Variants in MSI2 observed in about 807,000 individuals in gnomAD.
MSI2 encodes musashi RNA binding protein 2, also known as RNA-binding protein Musashi homolog 2.
In MSI2, 17 loss-of-function variants were observed where a neutral mutation model predicts 45.6. The observed-to-expected ratio is 0.37, with a 90% confidence interval of 0.26 to 0.56. The LOEUF (loss-of-function observed/expected upper bound fraction) is 0.56. Among genes scored for constraint, MSI2 ranks in the 20% least tolerant of loss-of-function variants. The pLI, the probability that MSI2 is intolerant of heterozygous loss-of-function variation, is 0.77. For missense variants in MSI2, 293 were observed against 444.2 expected, an observed-to-expected ratio of 0.66 and a Z score of 3.06; for synonymous variants, 156 against 158.2, an observed-to-expected ratio of 0.99 and a Z score of 0.11.
chr17:57,386,910 A>G (rs2083697117), intron 5 of MSI2, among the ~76,000 whole-genome samples: 1 of 152,244 alleles, frequency 6.6e-6, no homozygotes, highest in African/African-American at 2.4e-5. Context: ...AGGGAACCAG[A>G]TTTTGTTAAG....
intron 5 of MSI2, among the ~76,000 whole-genome samples, chr17:57,356,337 G>T (rs1032767517): frequency 1.3e-5 from 2 of 152,128 alleles, no homozygotes; most frequent in Non-Finnish European, 2.9e-5. Context: ...TGATGCCCTG[G>T]TTGGACTCTT....
chr17:57,451,806 T>C (rs1424845984), intron 6 of MSI2, among the ~76,000 whole-genome samples: 1 of 152,218 alleles, frequency 6.6e-6, no homozygotes, highest in African/African-American at 2.4e-5. Flanking sequence ...CTTGTGAAGC[T>C]GTAGTCTTTA....
chr17:57,436,192 G>A (rs902314336), intron 6 of MSI2, among the ~76,000 whole-genome samples: 2 of 152,190 alleles, frequency 1.3e-5, no homozygotes, highest in Admixed American at 6.5e-5. Flanking sequence ...AGGCGTGGCC[G>A]TGGGCAAGCG....
intron 6 of MSI2, among the ~76,000 whole-genome samples, chr17:57,523,775 C>T (rs537908116): frequency 2.0e-5 from 3 of 152,238 alleles, no homozygotes; most frequent in Non-Finnish European, 4.4e-5. Flanking sequence ...TTCTCTGCCA[C>T]ATTTAGCACT....
intron 10 of MSI2, among the ~76,000 whole-genome samples, chr17:57,639,511 C>T (rs1910089842): frequency 6.6e-6 from 1 of 152,252 alleles, no homozygotes; most frequent in Non-Finnish European, 1.5e-5. Flanking sequence ...CCACCTGTGC[C>T]ATAGGAGGCT....
At chr17:57,385,389 CATG>C (rs1291636574) in intron 5 of MSI2, among the ~76,000 whole-genome samples, 1 of 152,204 alleles carries the variant, frequency 6.6e-6, no homozygotes, top group African/African-American at 2.4e-5. Context: ...AATGATATTC[CATG>C]CTGCTGTGAC....
intron 11 of MSI2, among the ~76,000 whole-genome samples, chr17:57,668,809 C>T (rs1912564014): frequency 1.3e-5 from 2 of 152,236 alleles, no homozygotes; most frequent in African/African-American, 4.8e-5. Context: ...AAGTATTTTC[C>T]CCCTTCCCTT....
intron 5 of MSI2, among the ~76,000 whole-genome samples, chr17:57,353,903 A>G (rs1236414746): frequency 6.6e-6 from 1 of 152,108 alleles, no homozygotes; most frequent in African/African-American, 2.4e-5. Context: ...CCAGATAGTA[A>G]ATATTTTAGG....
At position 57,506,311 on chromosome 17, in the gene MSI2, C is replaced by T. The variant is rs145465473; in HGVS notation, c.406-23365C>T. ...CTCCCTCGTGATAAACAGTGTAAGG[C>T]GGAGTGTCTAAAGGACTCGGGGAAA... is the stretch of plus-strand genomic sequence containing the variant. On this transcript the variant is annotated intron_variant, in intron 6 of 13. Transcript: ENST00000284073. 2.6e-3 allele frequency among the ~76,000 whole-genome samples: 389 copies of T among 152,222 alleles called. 1 individual carries two copies. The highest frequency in any genetic ancestry group is 5.6e-3 in the South Asian group (27 of 4,812).
intron 6 of MSI2, among the ~76,000 whole-genome samples, chr17:57,437,965 G>A (rs546427129): frequency 9.2e-5 from 14 of 152,344 alleles, no homozygotes; most frequent in Admixed American, 2.6e-4. Flanking sequence ...ACATGCACCC[G>A]TGTAATTACA....
chr17:57,548,898 T>TCCCCCCCTC (rs2087234484), intron 7 of MSI2, among the ~76,000 whole-genome samples: 1 of 121,300 alleles, frequency 8.2e-6, no homozygotes, highest in Non-Finnish European at 1.7e-5. Flanking sequence ...TGTTTACCCT[T>TCCCCCCCTC]CCCCCCCCCA....
chr17:57,576,928 C>G (rs9899228), intron 7 of MSI2, among the ~76,000 whole-genome samples: 1 of 151,746 alleles, frequency 6.6e-6, no homozygotes, highest in Non-Finnish European at 1.5e-5. Flanking sequence ...GACGCCACCA[C>G]AAAGGGAAGT....
chr17:57,492,978 T>C (rs2085905548), intron 6 of MSI2, among the ~76,000 whole-genome samples: 1 of 152,178 alleles, frequency 6.6e-6, no homozygotes, highest in Non-Finnish European at 1.5e-5. Context: ...TGAGAATTCG[T>C]TAAAACAGAG....
chr17:57,333,977 C>T (rs1914490831), intron 5 of MSI2, among the ~76,000 whole-genome samples: 7 of 152,166 alleles, frequency 4.6e-5, no homozygotes. Context: ...CTTTGCTTCT[C>T]CATGCCTTAG....
chr17:57,578,359 C>T (rs1045351919), intron 7 of MSI2, among the ~76,000 whole-genome samples: 1 of 152,130 alleles, frequency 6.6e-6, no homozygotes, highest in Admixed American at 6.6e-5. Flanking sequence ...AGGGGATCAT[C>T]TTTAAATTAT....
intron 6 of MSI2, among the ~76,000 whole-genome samples, chr17:57,521,108 C>G (rs1009646344): frequency 7.9e-5 from 12 of 152,192 alleles, no homozygotes; most frequent in Non-Finnish European, 4.4e-5. Flanking sequence ...CTGGCAGCAG[C>G]AGCTGGGATA....
intron 4 of MSI2, among the ~76,000 whole-genome samples, chr17:57,260,882 C>T (rs551250348): frequency 1.3e-5 from 2 of 152,068 alleles, no homozygotes; most frequent in East Asian, 3.9e-4. Context: ...CACTCCCCAC[C>T]CCCACCTCCC....
chr17:57,421,379 G>A (rs1056011344), intron 6 of MSI2, among the ~76,000 whole-genome samples: 6 of 152,170 alleles, frequency 3.9e-5, no homozygotes, highest in Non-Finnish European at 7.3e-5. Context: ...AACATGGGGC[G>A]TGTGGAAGGC....
chr17:57,613,118 G>A (rs545906593), intron 8 of MSI2, among the ~76,000 whole-genome samples: 7 of 152,284 alleles, frequency 4.6e-5, no homozygotes, highest in Admixed American at 3.3e-4. Flanking sequence ...ATCAGTGACA[G>A]TCTATTGCAT....
Sources: allele counts gnomAD v4.1 joint callset (sites outside exome capture counted in the v4.1 genomes callset), GRCh38; gene constraint gnomAD v4.1.1; transcripts MANE v1.5; gene names NCBI Gene and HGNC (gene_info 2026-07-23, HGNC 2026-07-21).